The following CELF2 variants were observed in gnomAD, a reference collection of about 807,000 sequenced individuals.
CELF2 encodes CUG triplet repeat RNA-binding protein 2.
In CELF2, 8 loss-of-function variants were observed where a neutral mutation model predicts 62.6. The observed-to-expected ratio is 0.13, with a 90% CI of 0.07 to 0.23. CELF2 has a LOEUF of 0.23. Among genes scored for constraint, CELF2 ranks in the 10% least tolerant of loss-of-function variants. The probability of loss-of-function intolerance (pLI) is 1.00; values close to 1 mark genes in which losing one functional copy is unlikely to be tolerated. For missense variants in CELF2, 333 were observed against 671.0 expected (o/e 0.50, Z 5.56); for synonymous variants, 258 against 250.0 (o/e 1.03, Z -0.30).
intron 1 of CELF2, among the ~76,000 whole-genome samples, chr10:11,043,858 A>G (rs1039156727): frequency 6.6e-5 from 10 of 152,182 alleles, no homozygotes; most frequent in Admixed American, 3.9e-4. Flanking sequence ...TCGCATACCT[A>G]GAAAGCAAGC....
At chr10:11,066,746 G>A (rs1219933827) in intron 1 of CELF2, among the ~76,000 whole-genome samples, 1 of 152,084 alleles carries the variant, frequency 6.6e-6, no homozygotes, top group Admixed American at 6.5e-5. Context: ...CTGCTTGTTG[G>A]GGACTCATCT....
At chr10:10,703,465 C>G in the CELF2 span, among the ~76,000 whole-genome samples, 1 of 152,190 alleles carries the variant, frequency 6.6e-6, no homozygotes, top group Non-Finnish European at 1.5e-5. Context: ...CAGATAGATC[C>G]TCCCCACTGG....
chr10:11,132,082 A>G (rs1481546790), intron 1 of CELF2, among the ~76,000 whole-genome samples: 3 of 152,228 alleles, frequency 2.0e-5, no homozygotes, highest in Non-Finnish European at 4.4e-5. Context: ...TGTGTGCCCA[A>G]TGTAAGTCTG....
intron 2 of CELF2, among the ~76,000 whole-genome samples, chr10:10,965,905 T>A (rs918395218): frequency 6.6e-6 from 1 of 152,218 alleles, no homozygotes. Flanking sequence ...CACAGTGTAT[T>A]TGGAATCTGA....
At chr10:10,944,301 G>A (rs1388477809) in intron 2 of CELF2, 1 of 152,632 alleles carries the variant, frequency 6.6e-6, no homozygotes, top group Non-Finnish European at 1.5e-5. Context: ...GATGATTTGG[G>A]AGTTACTGGC....
chr10:10,641,536 G>T, the CELF2 span, among the ~76,000 whole-genome samples: 2 of 152,098 alleles, frequency 1.3e-5, no homozygotes, highest in African/African-American at 4.8e-5. Flanking sequence ...TGCCTCCTGG[G>T]TTCAAGTGAT....
intron 2 of CELF2, among the ~76,000 whole-genome samples, chr10:11,185,601 A>C (rs185534053): frequency 1.2e-3 from 186 of 152,062 alleles, no homozygotes; most frequent in Admixed American, 2.5e-3. Flanking sequence ...TTTAGTAGAG[A>C]GGGGGTTTCT....
intron 1 of CELF2, among the ~76,000 whole-genome samples, chr10:10,861,927 T>C (rs1304098178): frequency 6.6e-6 from 1 of 152,210 alleles, no homozygotes; most frequent in African/African-American, 2.4e-5. Context: ...ATAAAAGGCA[T>C]TGGCAGAGTC....
the CELF2 span, among the ~76,000 whole-genome samples, chr10:10,671,553 C>T: frequency 2.6e-5 from 4 of 152,180 alleles, no homozygotes; most frequent in Admixed American, 2.0e-4. Context: ...TTCCCACAAG[C>T]AGCGAATGAG....
the CELF2 span, among the ~76,000 whole-genome samples, chr10:10,691,251 G>C: frequency 6.6e-6 from 1 of 151,190 alleles, no homozygotes; most frequent in African/African-American, 2.4e-5. Flanking sequence ...GTGAGAATAT[G>C]CGCTGTTTGG....
chr10:11,204,676 C>G (rs1277011681), intron 2 of CELF2, among the ~76,000 whole-genome samples: 3 of 152,188 alleles, frequency 2.0e-5, no homozygotes, highest in East Asian at 1.9e-4. Context: ...GCTTGATCCC[C>G]GTGTGACAGG....
the CELF2 span, among the ~76,000 whole-genome samples, chr10:10,738,865 C>T: frequency 2.6e-5 from 4 of 151,948 alleles, no homozygotes; most frequent in Non-Finnish European, 4.4e-5. Context: ...CTGAACAAAC[C>T]GTGGACTTTA....
the CELF2 span, among the ~76,000 whole-genome samples, chr10:10,695,859 A>G: frequency 2.6e-5 from 4 of 151,754 alleles, no homozygotes; most frequent in East Asian, 5.8e-4. Flanking sequence ...CAGCTCCATC[A>G]GCTCCTTTAA....
At chr10:10,914,921 G>T (rs2064179258) in intron 1 of CELF2, among the ~76,000 whole-genome samples, 1 of 152,006 alleles carries the variant, frequency 6.6e-6, no homozygotes, top group Admixed American at 6.6e-5. Context: ...CTCAGGTCAG[G>T]AGTTGGAGAC....
Position 10,805,646 on chromosome 10 carries a change from G to A in CELF2, c.53+6829G>A, listed in dbSNP as rs986438195. Among the ~76,000 whole-genome samples the A allele has an allele frequency of 4.0e-4, 61 of 152,126 alleles. 1 individual carries two copies. Among genetic ancestry groups the A allele is most frequent in the African/African-American group, 1.4e-3 (56 of 41,410 alleles). Reference sequence around the variant, plus strand: ...AAGTCTTTTAATGAGGGGGGGAGACGGGTGGATGAAATCATTTTTGTTGAG... The same window carrying A: ...AAGTCTTTTAATGAGGGGGGGAGACAGGTGGATGAAATCATTTTTGTTGAG... On this transcript the variant is annotated intron_variant, in intron 1 of 13. Coordinates refer to the CELF2 transcript ENST00000636488.
rs756713014 is a variant in CELF2, at chr10:11,329,083, T to C, written c.*30T>C. 3.8e-6 allele frequency: 6 copies of C among 1,590,952 alleles called. No individual in the cohort carries two copies. Among genetic ancestry groups the C allele is most frequent in the Non-Finnish European group, 5.2e-6 (6 of 1,163,532 alleles). On this transcript the variant is annotated 3_prime_UTR_variant, in exon 13 of 13. Coordinates refer to ENST00000633077, the MANE Select transcript of CELF2 (RefSeq NM_001326342.2). The surrounding 1 kb of genome is among the most constrained non-coding windows in gnomAD (Gnocchi z 5.5). Reference sequence around the variant, plus strand: ...AACCCCAGAGGCTCCCTGCTCTCATTTTAGCTTTCTTAGGGTAAGTCCCAC... The same window carrying C: ...AACCCCAGAGGCTCCCTGCTCTCATCTTAGCTTTCTTAGGGTAAGTCCCAC...
At chr10:10,789,409 G>A in the CELF2 span, among the ~76,000 whole-genome samples, 141 of 152,200 alleles carry the variant, frequency 9.3e-4, no homozygotes, top group Non-Finnish European at 1.4e-3. Context: ...TAGATACTAA[G>A]TTGCCTCTGA....
At chr10:10,871,342 A>C (rs1051806891) in intron 1 of CELF2, among the ~76,000 whole-genome samples, 1 of 152,226 alleles carries the variant, frequency 6.6e-6, no homozygotes, top group Non-Finnish European at 1.5e-5. Flanking sequence ...TTCACTAAAA[A>C]TCTATGCGCC....
At chr10:11,027,853 T>C (rs529579272) in intron 1 of CELF2, among the ~76,000 whole-genome samples, 1 of 152,302 alleles carries the variant, frequency 6.6e-6, no homozygotes, top group Non-Finnish European at 1.5e-5. Flanking sequence ...TAAAATACGC[T>C]GCTTACCTGT....
Sources: allele counts gnomAD v4.1 joint callset (sites outside exome capture counted in the v4.1 genomes callset), GRCh38; gene constraint gnomAD v4.1.1; non-coding constraint Gnocchi (gnomAD v3.1); transcripts MANE v1.5; gene names NCBI Gene and HGNC (gene_info 2026-07-23, HGNC 2026-07-21).